The following EML5 variants were observed in gnomAD, a reference collection of about 807,000 sequenced individuals.
EML5 encodes echinoderm microtubule-associated protein-like 5.
Under a neutral mutation model 250.0 loss-of-function variants are expected in EML5, and 120 were observed. The observed-to-expected ratio is 0.48, with a 90% confidence interval of 0.41 to 0.56. EML5 has a LOEUF of 0.56. Among genes scored for constraint, EML5 ranks in the 20% least tolerant of loss-of-function variants. The pLI, the probability that EML5 is intolerant of heterozygous loss-of-function variation, is 0.00. For synonymous variants in EML5, 771 were observed against 806.5 expected (o/e 0.96, Z 0.75); for missense variants, 2,006 against 2,437.6 (o/e 0.82, Z 3.73).
chr14:88,685,707 C>T (rs1020067044), intron 19 of EML5, among the ~76,000 whole-genome samples: 2 of 152,022 alleles, frequency 1.3e-5, no homozygotes, highest in African/African-American at 4.8e-5. Context: ...ACCTGGGCCT[C>T]CCAAAGTGTT....
At chr14:88,777,699 G>A (rs2145120) in intron 1 of EML5, among the ~76,000 whole-genome samples, 35,984 of 152,182 alleles carry the variant, frequency 0.24, 4,465 homozygotes, top group East Asian at 0.38. Context: ...AGGATGGGCC[G>A]GGCACAGTGG....
At position 88,706,794 on chromosome 14, in the gene EML5, G is replaced by A. The variant is rs138038520; in HGVS notation, c.1658-368C>T. Among the ~76,000 whole-genome samples the A allele has an allele frequency of 4.4e-3, 663 of 152,312 alleles. 1 individual carries two copies. Among genetic ancestry groups the A allele is most frequent in the Middle Eastern group, 0.014 (4 of 294 alleles). ...CCATTATTCTCAACCCAAGCAGCCA[G>A]AGGATCCTTTTAAGACTTAAGTCAT... On this transcript the variant is annotated intron_variant, in intron 10 of 43. Transcript: ENST00000554922.
intron 1 of EML5, among the ~76,000 whole-genome samples, chr14:88,755,008 T>C (rs1473157389): frequency 6.6e-6 from 1 of 151,986 alleles, no homozygotes; most frequent in African/African-American, 2.4e-5. Context: ...TTTCGCCACA[T>C]TGGCCAGGTT....
At chr14:88,703,252 A>G (rs1389415546) in intron 13 of EML5, among the ~76,000 whole-genome samples, 1 of 152,216 alleles carries the variant, frequency 6.6e-6, no homozygotes, top group African/African-American at 2.4e-5. Flanking sequence ...AGTAAAAGGT[A>G]TAGAAAAGTA....
intron 34 of EML5, 118 bp downstream of exon 34, chr14:88,627,528 T>A: frequency 9.2e-6 from 9 of 983,468 alleles, no homozygotes; most frequent in Non-Finnish European, 1.3e-5. Context: ...GTATATTGCA[T>A]AGGCCTCCAC....
In EML5 at chr14:88,658,304, C is replaced by T. The variant is rs1257868951; in HGVS notation, c.3760G>A (p.Val1254Ile). 6 of 1,613,808 alleles carry T rather than the reference C, an allele frequency of 3.7e-6. No homozygotes were observed. Among genetic ancestry groups the T allele is most frequent in the Non-Finnish European group, 5.1e-6 (6 of 1,179,820 alleles). ...VRWTYDDSML[V>I]TLGGTDMSLM... The stretch of plus-strand genomic sequence containing the variant: ...GACATATCTGTACCGCCTAGGGTAA[C>T]CAACATGCTGTCATCATAAGTCCAG... The change falls in exon 26 of 44, where the codon GTT (valine) becomes ATT (isoleucine). Residue 1254 changes from valine to isoleucine, a missense_variant. Transcript: ENST00000554922.
chr14:88,714,218 A>G (rs1260413574), intron 9 of EML5, among the ~76,000 whole-genome samples: 2 of 152,142 alleles, frequency 1.3e-5, no homozygotes, highest in Non-Finnish European at 2.9e-5. Context: ...AATTAGTTCC[A>G]CCCATAAAAA....
At chr14:88,708,616 C>T (rs78770314) in intron 10 of EML5, among the ~76,000 whole-genome samples, 2,667 of 152,112 alleles carry the variant, frequency 0.018, 76 homozygotes, top group African/African-American at 0.059. Flanking sequence ...GAACATGATT[C>T]CAACCCCTAT....
At chr14:88,689,316 G>A (rs924796539) in intron 17 of EML5, among the ~76,000 whole-genome samples, 2 of 147,150 alleles carry the variant, frequency 1.4e-5, no homozygotes, top group Non-Finnish European at 3.0e-5. Flanking sequence ...ACTGTTTTCC[G>A]AAGTTTATAT....
At chr14:88,704,826 T>C in intron 13 of EML5, 34 bp downstream of exon 13, 1 of 1,553,522 alleles carries the variant, frequency 6.4e-7, no homozygotes, top group South Asian at 1.1e-5. Context: ...GAACCAAAAT[T>C]CAAACAAATA....
chr14:88,697,583 G>C (rs1246398084), intron 14 of EML5, among the ~76,000 whole-genome samples: 1 of 152,080 alleles, frequency 6.6e-6, no homozygotes, highest in African/African-American at 2.4e-5. Flanking sequence ...TAATGCACAG[G>C]TAAACTATCA....
chr14:88,754,428 A>T (rs933678911), intron 2 of EML5, 84 bp downstream of exon 2: 5 of 1,249,356 alleles, frequency 4.0e-6, no homozygotes, highest in Non-Finnish European at 5.2e-6. Flanking sequence ...TCAAGTGTCC[A>T]ATTTAATATT....
At chr14:88,678,158 G>C (rs981444810) in intron 21 of EML5, among the ~76,000 whole-genome samples, 3 of 152,140 alleles carry the variant, frequency 2.0e-5, no homozygotes, top group Non-Finnish European at 4.4e-5. Flanking sequence ...GATGGAGCTG[G>C]AAGCTATTAT....
At chr14:88,742,931 TTAAC>T (rs1595744320) in intron 4 of EML5, among the ~76,000 whole-genome samples, 1 of 152,110 alleles carries the variant, frequency 6.6e-6, no homozygotes, top group Non-Finnish European at 1.5e-5. Flanking sequence ...TCACTAGGAA[TTAAC>T]TGTTACCAGG....
intron 6 of EML5, among the ~76,000 whole-genome samples, chr14:88,738,103 T>C (rs2093872811): frequency 6.6e-6 from 1 of 152,088 alleles, no homozygotes; most frequent in South Asian, 2.1e-4. Context: ...TAAGAAAAAG[T>C]CTCAAATTAT....
At chr14:88,770,620 T>A (rs1022033056) in intron 1 of EML5, among the ~76,000 whole-genome samples, 1 of 152,170 alleles carries the variant, frequency 6.6e-6, no homozygotes, top group Admixed American at 6.5e-5. Flanking sequence ...AATCTGAAGA[T>A]TCTCTTCCGA....
intron 18 of EML5, 64 bp downstream of exon 18, chr14:88,688,207 T>C: frequency 1.3e-6 from 2 of 1,547,300 alleles, no homozygotes; most frequent in African/African-American, 1.4e-5. Flanking sequence ...TTCCTTTACT[T>C]CTTAAAATGC....
chr14:88,621,181 G>T lies in EML5; in HGVS notation c.5134C>A (p.Pro1712Thr). ...DGPIWGLATH[P>T]SRDFFLSAAE... ...GCAGAAAGGAAAAAATCCCTGGAAG[G>T]ATGTGTTGCTAGTCCCCAGATTGGC... The change falls in exon 38 of 44, where the codon CCT (proline) becomes ACT (threonine). Residue 1712 changes from proline (P) to threonine (T), a missense_variant. Coordinates refer to ENST00000554922, the MANE Select transcript of EML5 (RefSeq NM_183387.3). 1 of 1,613,884 alleles carries T rather than the reference G, an allele frequency of 6.2e-7. No individual in the cohort carries two copies. Among genetic ancestry groups the T allele is most frequent in the Non-Finnish European group, 8.5e-7 (1 of 1,179,856 alleles).
At chr14:88,640,622 T>C (rs949525854) in intron 31 of EML5, among the ~76,000 whole-genome samples, 1 of 151,940 alleles carries the variant, frequency 6.6e-6, no homozygotes, top group Non-Finnish European at 1.5e-5. Flanking sequence ...GATCCCAAAT[T>C]AACAATCTAA....
Sources: allele counts gnomAD v4.1 joint callset (sites outside exome capture counted in the v4.1 genomes callset), GRCh38; gene constraint gnomAD v4.1.1; transcripts MANE v1.5; gene names NCBI Gene and HGNC (gene_info 2026-07-23, HGNC 2026-07-21).